BCAS4: variants seen among roughly 807,000 people sequenced by gnomAD.
BCAS4 encodes the protein breast carcinoma amplified sequence 4.
A neutral mutation model predicts 15.7 loss-of-function variants in BCAS4; 9 were observed. The observed-to-expected ratio is 0.57, with a 90% CI of 0.34 to 1.00. The LOEUF (loss-of-function observed/expected upper bound fraction) is 1.00. Ranked by LOEUF, BCAS4 falls within the 50% of genes least tolerant of loss-of-function variation. The probability of loss-of-function intolerance (pLI) is 0.02; values close to 1 mark genes in which losing one functional copy is unlikely to be tolerated. For synonymous variants in BCAS4, 101 were observed against 99.5 expected (o/e 1.02, Z -0.09); for missense variants, 225 against 239.1 (o/e 0.94, Z 0.39).
intron 1 of BCAS4, among the ~76,000 whole-genome samples, chr20:50,817,527 A>T (rs908039864): frequency 6.6e-6 from 1 of 152,018 alleles, no homozygotes; most frequent in African/African-American, 2.4e-5. Flanking sequence ...CAGTGGTGCA[A>T]TCTTGGCTCA....
chr20:50,794,911 C>T, upstream of BCAS4: 1 of 982,346 alleles, frequency 1.0e-6, no homozygotes, highest in Non-Finnish European at 1.3e-6. Flanking sequence ...TGGCGCTGCC[C>T]GCTCGGCCCG....
intron 4 of BCAS4, among the ~76,000 whole-genome samples, chr20:50,869,973 T>A (rs1195561853): frequency 1.3e-5 from 2 of 152,162 alleles, no homozygotes; most frequent in African/African-American, 4.8e-5. Context: ...GGTCTCGAAC[T>A]CCTGACCTCA....
Position 50,820,436 on chromosome 20 carries a change from G to T in BCAS4, c.162+2154G>T, listed in dbSNP as rs527970597. Among the ~76,000 whole-genome samples the T allele has an allele frequency of 2.6e-5, 4 of 152,328 alleles. No individual in the cohort carries two copies. The South Asian group carries it at 8.3e-4, about 32-fold the overall frequency. ...ATAGAGAATTCAACAGATGGGGAAG[G>T]AGTGCATTCAGGCAGAGGGACCAGC... On this transcript the variant is annotated intron_variant, in intron 2 of 4. Coordinates refer to ENST00000371608, the MANE Select transcript of BCAS4 (RefSeq NM_198799.4).
chr20:50,848,394 G>A (rs940169027), intron 4 of BCAS4, among the ~76,000 whole-genome samples: 11 of 152,136 alleles, frequency 7.2e-5, no homozygotes, highest in East Asian at 1.9e-4. Flanking sequence ...GAGCGCTCCC[G>A]GCCAAGGGAA....
rs2088327227 is a variant in BCAS4, at chr20:50,830,270, T to C, written c.163-9T>C. The C allele has an allele frequency of 6.2e-7, 1 of 1,611,132 alleles. No homozygotes were observed. The highest frequency in any genetic ancestry group is 8.5e-7 in the Non-Finnish European group (1 of 1,177,432). On this transcript the variant is annotated splice_polypyrimidine_tract_variant and intron_variant, in intron 2 of 4. Transcript: ENST00000371608. ...CAGAAGGCCTGATGAGCTGTTTTGT[T>C]CCTTGCAGATCAGGAGTGATACTTC...
intron 4 of BCAS4, among the ~76,000 whole-genome samples, chr20:50,874,013 A>G (rs1979789509): frequency 6.6e-6 from 1 of 152,020 alleles, no homozygotes; most frequent in South Asian, 2.1e-4. Context: ...AAGGCCCTGG[A>G]GCCCAGACGT....
intron 4 of BCAS4, among the ~76,000 whole-genome samples, chr20:50,859,872 G>T (rs1395259152): frequency 6.6e-6 from 1 of 152,208 alleles, no homozygotes; most frequent in Non-Finnish European, 1.5e-5. Context: ...GGACGCGGTG[G>T]CTCACGCCTG....
At chr20:50,838,193 C>T (rs1228276209) in intron 3 of BCAS4, among the ~76,000 whole-genome samples, 1 of 152,240 alleles carries the variant, frequency 6.6e-6, no homozygotes, top group African/African-American at 2.4e-5. Context: ...ATGCATCCGC[C>T]ACCCATATGG....
chr20:50,837,270 C>G (rs1321578186), intron 3 of BCAS4, among the ~76,000 whole-genome samples: 2 of 152,138 alleles, frequency 1.3e-5, no homozygotes, highest in Non-Finnish European at 1.5e-5. Flanking sequence ...GACCCATGCT[C>G]TGAAGCTGGG....
chr20:50,866,386 C>G (rs547703711), intron 4 of BCAS4, among the ~76,000 whole-genome samples: 4 of 152,230 alleles, frequency 2.6e-5, no homozygotes, highest in Non-Finnish European at 4.4e-5. Context: ...ACAGGTCCTG[C>G]AGGCCAGGCG....
intron 1 of BCAS4, among the ~76,000 whole-genome samples, chr20:50,804,882 A>G (rs756435971): frequency 6.6e-6 from 1 of 151,714 alleles, no homozygotes; most frequent in African/African-American, 2.4e-5. Context: ...TAACCTGCCA[A>G]CTCCTTCCTG....
downstream of BCAS4, chr20:50,877,238 T>C (rs1980005203): frequency 6.6e-6 from 1 of 152,298 alleles, no homozygotes; most frequent in Non-Finnish European, 1.5e-5. Context: ...GTGCAGTGTT[T>C]TCTAGAAGGT....
chr20:50,801,850 C>T (rs1472938984), intron 1 of BCAS4, among the ~76,000 whole-genome samples: 1 of 151,912 alleles, frequency 6.6e-6, no homozygotes, highest in Non-Finnish European at 1.5e-5. Flanking sequence ...TGGGAAGGAC[C>T]GGAGGGCAAA....
intron 1 of BCAS4, 76 bp downstream of exon 1, chr20:50,795,249 C>T: frequency 8.1e-7 from 1 of 1,227,738 alleles, no homozygotes; most frequent in South Asian, 2.8e-5. Flanking sequence ...CTCGGCTTCC[C>T]CGGAGCATCC....
intron 4 of BCAS4, among the ~76,000 whole-genome samples, chr20:50,873,491 C>T (rs1600908852): frequency 6.6e-6 from 1 of 152,244 alleles, no homozygotes; most frequent in African/African-American, 2.4e-5. Flanking sequence ...TTTGAACTCC[C>T]ATGATTCACT....
chr20:50,868,705 C>T (rs2122672059), intron 4 of BCAS4, among the ~76,000 whole-genome samples: 1 of 152,312 alleles, frequency 6.6e-6, no homozygotes, highest in African/African-American at 2.4e-5. Context: ...TACAGGCTGC[C>T]ATGCTCAGCC....
chr20:50,840,658 G>A, intron 3 of BCAS4: 2 of 1,612,626 alleles, frequency 1.2e-6, no homozygotes, highest in East Asian at 4.5e-5. Context: ...CGTTTCTTTG[G>A]AAGGCAGTGG....
chr20:50,815,614 G>A (rs79629212), intron 1 of BCAS4, among the ~76,000 whole-genome samples: 154 of 152,158 alleles, frequency 1.0e-3, no homozygotes, highest in African/African-American at 3.6e-3. Context: ...CCCTCTCCCC[G>A]ACTGAGGCAC....
rs11697847 is a variant in BCAS4, at chr20:50,827,259, C to T, written c.163-3020C>T. Among the ~76,000 whole-genome samples, 17 of 152,294 alleles carry T rather than the reference C, an allele frequency of 1.1e-4. 1 individual carries two copies. Among genetic ancestry groups the T allele is most frequent in the South Asian group, 2.1e-4 (1 of 4,820 alleles). On this transcript the variant is annotated intron_variant, in intron 2 of 4. Coordinates refer to ENST00000371608, the MANE Select transcript of BCAS4 (RefSeq NM_198799.4). ...TTTGAGACATGCTGGTCAGGTGTTT[C>T]GTAGAAGGTCCCTCGATTTTTGTGA...
Sources: gnomAD v4.1 joint callset for allele counts (sites outside exome capture counted in the v4.1 genomes callset) on GRCh38, gnomAD v4.1.1 for gene constraint, MANE v1.5 for transcripts, NCBI Gene and HGNC (gene_info 2026-07-23, HGNC 2026-07-21) for gene names.